The following ASIC2 variants were observed in gnomAD, a reference collection of about 807,000 sequenced individuals.
ASIC2 encodes the protein acid sensing ion channel subunit 2, also known as acid-sensing ion channel 2.
A neutral mutation model predicts 57.3 loss-of-function variants in ASIC2; 25 were observed. That is an observed-to-expected ratio of 0.44 (90% CI 0.32 to 0.61). The LOEUF (loss-of-function observed/expected upper bound fraction) is 0.61. ASIC2 is among the 20% of genes least tolerant of loss of function. The pLI, the probability that ASIC2 is intolerant of heterozygous loss-of-function variation, is 0.06. For missense variants in ASIC2, 641 were observed against 738.1 expected (o/e 0.87, Z 1.52); for synonymous variants, 319 against 307.5 (o/e 1.04, Z -0.39).
chr17:33,515,712 C>T (rs187535881), intron 1 of ASIC2, among the ~76,000 whole-genome samples: 359 of 152,358 alleles, frequency 2.4e-3, no homozygotes, highest in Middle Eastern at 3.4e-3. Flanking sequence ...CTGCCCGTGG[C>T]TCCTAGGACC....
chr17:33,285,169 G>A (rs189572981), intron 1 of ASIC2, among the ~76,000 whole-genome samples: 2 of 152,344 alleles, frequency 1.3e-5, no homozygotes, highest in Non-Finnish European at 2.9e-5. Flanking sequence ...ACATTTGATT[G>A]ATGCCTTCGT....
intron 1 of ASIC2, among the ~76,000 whole-genome samples, chr17:33,876,533 G>A (rs946537421): frequency 4.6e-5 from 7 of 152,174 alleles, no homozygotes; most frequent in African/African-American, 1.7e-4. Flanking sequence ...CCACTTGATT[G>A]TACTATCTCC....
intron 1 of ASIC2, among the ~76,000 whole-genome samples, chr17:33,137,776 A>G (rs557071957): frequency 4.3e-4 from 65 of 152,340 alleles, no homozygotes; most frequent in African/African-American, 1.5e-3. Flanking sequence ...GATATGGGAC[A>G]GAGCACTGAA....
chr17:33,811,148 C>A (rs2142153734), intron 1 of ASIC2, among the ~76,000 whole-genome samples: 1 of 152,302 alleles, frequency 6.6e-6, no homozygotes, highest in South Asian at 2.1e-4. Flanking sequence ...ACCTGCAGGT[C>A]AATTGGAAAA....
At chr17:33,040,611 T>C (rs1032280745) in intron 3 of ASIC2, among the ~76,000 whole-genome samples, 1 of 152,180 alleles carries the variant, frequency 6.6e-6, no homozygotes, top group Non-Finnish European at 1.5e-5. Flanking sequence ...AGAACATGCT[T>C]TCTTCCTTTT....
intron 1 of ASIC2, among the ~76,000 whole-genome samples, chr17:33,868,730 A>T (rs529294318): frequency 6.6e-6 from 1 of 152,292 alleles, no homozygotes; most frequent in East Asian, 1.9e-4. Context: ...CAAATATATA[A>T]GGAACTCTTA....
Position 33,613,600 on chromosome 17 carries a change from C to G in ASIC2, c.556-501533G>C, listed in dbSNP as rs916046989. On this transcript the variant is annotated intron_variant, in intron 1 of 9. Transcript: ENST00000359872. The stretch of plus-strand genomic sequence containing the variant: ...GCCAGGATGATCTCGATCTCCTGAC[C>G]TTGTGATCAGCCCACCTCAGCCTCT... Among the ~76,000 whole-genome samples the G allele has an allele frequency of 2.6e-5, 4 of 152,118 alleles. No homozygotes were observed. The East Asian group carries it at 7.7e-4, about 29-fold the overall frequency.
intron 1 of ASIC2, among the ~76,000 whole-genome samples, chr17:33,735,527 G>T (rs1332027848): frequency 2.0e-5 from 3 of 152,180 alleles, no homozygotes; most frequent in Non-Finnish European, 4.4e-5. Context: ...ATGAGAGGGA[G>T]CCATAGCTTG....
intron 1 of ASIC2, among the ~76,000 whole-genome samples, chr17:33,472,190 C>G (rs1257058004): frequency 6.6e-6 from 1 of 151,868 alleles, no homozygotes; most frequent in East Asian, 1.9e-4. Context: ...CAGCTAATTT[C>G]TTTATTTTTA....
chr17:33,830,408 G>A (rs143075260), intron 1 of ASIC2, among the ~76,000 whole-genome samples: 7 of 152,114 alleles, frequency 4.6e-5, no homozygotes, highest in Admixed American at 1.3e-4. Flanking sequence ...TGATGTTAGC[G>A]GGATGGGGAG....
intron 1 of ASIC2, among the ~76,000 whole-genome samples, chr17:33,408,612 C>T (rs1169056078): frequency 6.6e-6 from 1 of 152,160 alleles, no homozygotes; most frequent in African/African-American, 2.4e-5. Flanking sequence ...AACTATCCTC[C>T]CTTTTCTCCC....
chr17:33,176,219 A>G (rs929389740), intron 1 of ASIC2, among the ~76,000 whole-genome samples: 2 of 152,216 alleles, frequency 1.3e-5, no homozygotes, highest in Non-Finnish European at 2.9e-5. Context: ...ACACTGTCCA[A>G]GCTGCCTTGA....
At chr17:34,088,279 G>C (rs1910186078) in intron 1 of ASIC2, among the ~76,000 whole-genome samples, 1 of 152,306 alleles carries the variant, frequency 6.6e-6, no homozygotes, top group East Asian at 1.9e-4. Context: ...CTCAGCTGCA[G>C]GTCTGTTGGA....
In ASIC2 at chr17:33,528,841, C is replaced by T. The variant is rs573054456; in HGVS notation, c.556-416774G>A. On this transcript the variant is annotated intron_variant, in intron 1 of 9. Transcript: ENST00000359872. The stretch of plus-strand genomic sequence containing the variant: ...TTGGTCCAATACCAGCAACTCGTCA[C>T]GAAGGTCTTAATTAAGAAAGAAATA... Among the ~76,000 whole-genome samples the T allele has an allele frequency of 1.2e-4, 19 of 152,270 alleles. 1 individual carries two copies. The highest frequency in any genetic ancestry group is 1.2e-3 in the South Asian group (6 of 4,828).
intron 1 of ASIC2, among the ~76,000 whole-genome samples, chr17:33,361,534 T>A (rs893819343): frequency 2.6e-5 from 4 of 152,240 alleles, no homozygotes; most frequent in East Asian, 3.8e-4. Context: ...AATGTTGGTA[T>A]CTGTCAGTAT....
At chr17:33,922,953 C>A (rs1389726395) in intron 1 of ASIC2, among the ~76,000 whole-genome samples, 1 of 152,154 alleles carries the variant, frequency 6.6e-6, no homozygotes, top group Non-Finnish European at 1.5e-5. Context: ...TCCTCTAGAG[C>A]GCATTTGCTC....
chr17:33,488,730 C>A (rs574677140), intron 1 of ASIC2, among the ~76,000 whole-genome samples: 1 of 152,270 alleles, frequency 6.6e-6, no homozygotes, highest in South Asian at 2.1e-4. Flanking sequence ...TCACCCTGAG[C>A]CTTTAGCTCA....
intron 1 of ASIC2, among the ~76,000 whole-genome samples, chr17:33,329,283 G>T (rs1308757144): frequency 6.6e-6 from 1 of 152,184 alleles, no homozygotes; most frequent in Non-Finnish European, 1.5e-5. Flanking sequence ...TAGGACCAGG[G>T]ATACATATAT....
At chr17:33,452,738 G>GGCGTGT (rs1555535324) in intron 1 of ASIC2, among the ~76,000 whole-genome samples, 1 of 140,408 alleles carries the variant, frequency 7.1e-6, no homozygotes, top group South Asian at 2.4e-4. Flanking sequence ...AACAGAGTGG[G>GGCGTGT]GTGTGTGTGT....
Sources: gnomAD v4.1 joint callset for allele counts (sites outside exome capture counted in the v4.1 genomes callset) on GRCh38, gnomAD v4.1.1 for gene constraint, MANE v1.5 for transcripts, NCBI Gene and HGNC (gene_info 2026-07-23, HGNC 2026-07-21) for gene names.